The following PAIP1 variants were observed in gnomAD, a reference collection of about 807,000 sequenced individuals.
PAIP1 encodes poly(A) binding protein interacting protein 1.
In PAIP1, 16 loss-of-function variants were observed where a neutral mutation model predicts 61.3. The ratio of observed to expected loss-of-function variants is 0.26; its 90% CI spans 0.18 to 0.40. The LOEUF (loss-of-function observed/expected upper bound fraction) is 0.40, where lower values mean the gene tolerates loss of function less well. Among genes scored for constraint, PAIP1 ranks in the 10% least tolerant of loss-of-function variants. The pLI is 1.00. For synonymous variants in PAIP1, 187 were observed against 226.2 expected (o/e 0.83, Z 1.56); for missense variants, 416 against 600.9 (o/e 0.69, Z 3.22).
At chr5:43,528,908 A>G (rs1233444121) in intron 10 of PAIP1, among the ~76,000 whole-genome samples, 1 of 152,318 alleles carries the variant, frequency 6.6e-6, no homozygotes, top group South Asian at 2.1e-4. Flanking sequence ...CTCTGATGGT[A>G]AGTGAGTAAT....
intron 4 of PAIP1, among the ~76,000 whole-genome samples, chr5:43,539,409 T>A (rs1388922780): frequency 5.3e-5 from 8 of 152,044 alleles, no homozygotes; most frequent in African/African-American, 1.9e-4. Context: ...ATTGTCTCTG[T>A]AATTTTTTTT....
intron 1 of PAIP1, chr5:43,556,229 C>T: frequency 7.8e-7 from 1 of 1,289,936 alleles, no homozygotes; most frequent in Non-Finnish European, 9.8e-7. Flanking sequence ...TGCTTGCGAG[C>T]TTTTTTCCTC....
chr5:43,540,863 C>T (rs1025981995), intron 4 of PAIP1, among the ~76,000 whole-genome samples: 1 of 152,014 alleles, frequency 6.6e-6, no homozygotes, highest in Non-Finnish European at 1.5e-5. Flanking sequence ...TCTAATTACA[C>T]CAGAATTTCA....
At chr5:43,556,058 C>A in intron 1 of PAIP1, 59 bp from the exon 2 acceptor site, 1 of 1,548,758 alleles carries the variant, frequency 6.5e-7, no homozygotes, top group South Asian at 1.2e-5. Flanking sequence ...CAGCAACTTG[C>A]TATATACTGA....
At chr5:43,538,076 CCTA>C (rs1435462829) in intron 5 of PAIP1, among the ~76,000 whole-genome samples, 1 of 151,404 alleles carries the variant, frequency 6.6e-6, no homozygotes, top group African/African-American at 2.4e-5. Flanking sequence ...ACTTCTATTG[CCTA>C]CTAACAAGCA....
rs1005684993 is a variant in PAIP1, at chr5:43,534,996, A to G, written c.1080-26T>C. ...CTGTAGACAAAGTTGAAAATGAGTTAGTGTATCCACCATAAGGGCTGTCAG... is the reference window on the plus strand; with the variant it reads ...CTGTAGACAAAGTTGAAAATGAGTTGGTGTATCCACCATAAGGGCTGTCAG... On this transcript the variant is annotated intron_variant, in intron 7 of 10. Coordinates refer to ENST00000306846, the MANE Select transcript of PAIP1 (RefSeq NM_006451.5). 7 of 1,267,062 alleles carry G rather than the reference A, an allele frequency of 5.5e-6. No homozygotes were observed. In the Middle Eastern group the frequency reaches 5.6e-4, roughly 101 times the overall value. 78.5% of individuals were successfully genotyped at this position (1,267,062 alleles called of 1,614,324 possible).
intron 10 of PAIP1, among the ~76,000 whole-genome samples, chr5:43,527,892 TTAA>T (rs767950209): frequency 4.6e-5 from 7 of 152,226 alleles, no homozygotes; most frequent in Non-Finnish European, 8.8e-5. Context: ...TTGTGTCTAC[TTAA>T]TAACAGAAAG....
rs766493987 is a variant in PAIP1 at position 43,547,042 on chromosome 5, CAAAAAAAAAAAAAAAA to C, written c.621+670_621+685del. 0.025 allele frequency among the ~76,000 whole-genome samples: 879 copies of C among 35,706 alleles called. 58 individuals are homozygous for C. The Admixed American group carries it at 0.26, about 10-fold the overall frequency. The allele number at this position is 35,706 out of a possible 152,430, so 23.4% of individuals were successfully genotyped here. ...TGGGAGACAGGGCAAGACTCCATAT[CAAAAAAAAAAAAAAAA>C]AAAAAAAAAAAGCGTTAATATGTTA... On this transcript the variant is annotated intron_variant, in intron 3 of 10. Coordinates refer to ENST00000306846, the MANE Select transcript of PAIP1 (RefSeq NM_006451.5).
chr5:43,533,118 G>C (rs762947168), intron 9 of PAIP1, among the ~76,000 whole-genome samples: 1 of 152,148 alleles, frequency 6.6e-6, no homozygotes, highest in East Asian at 1.9e-4. Flanking sequence ...TAGAGACACA[G>C]GACAGTCAAT....
intron 2 of PAIP1, among the ~76,000 whole-genome samples, chr5:43,553,772 CA>C (rs1331011641): frequency 6.6e-6 from 1 of 152,062 alleles, no homozygotes; most frequent in Non-Finnish European, 1.5e-5. Flanking sequence ...AGGTAGATTA[CA>C]AATGAATGAA....
chr5:43,554,892 C>A (rs138096277), intron 2 of PAIP1, among the ~76,000 whole-genome samples: 4 of 152,250 alleles, frequency 2.6e-5, no homozygotes, highest in African/African-American at 4.8e-5. Flanking sequence ...TCATAATAAC[C>A]CAAGAGTGAA....
chr5:43,556,758 C>T lies in PAIP1; in HGVS notation c.89G>A (p.Gly30Asp). 1 of 1,418,286 alleles carries T rather than the reference C, an allele frequency of 7.1e-7. No homozygotes were observed. The highest frequency in any genetic ancestry group is 9.2e-7 in the Non-Finnish European group (1 of 1,089,886). 87.9% of individuals were successfully genotyped at this position (1,418,286 alleles called of 1,614,324 possible). A position where few individuals can be genotyped will look rare whatever the true frequency, so the allele number is the denominator to read the frequency against. ...AGCAGGCCCCGCTCCGTTCGGGAAA[C>T]CGCCGCCCTCAGGCCCGCCCCCTCC... ...GRGGGGPEGG[G>D]FPNGAGPAER... Residue 30 changes from glycine (G) to aspartate (D), a missense_variant, in exon 1 of 11, where the codon GGT becomes GAT. By Grantham distance (94) the Gly-to-Asp change is moderately conservative. Transcript: ENST00000306846.
At chr5:43,537,715 G>T (rs1474920762) in intron 5 of PAIP1, among the ~76,000 whole-genome samples, 2 of 152,054 alleles carry the variant, frequency 1.3e-5, no homozygotes, top group Non-Finnish European at 2.9e-5. Flanking sequence ...TCAAGCAGAG[G>T]CTGGGCATGG....
intron 4 of PAIP1, among the ~76,000 whole-genome samples, chr5:43,540,183 C>A (rs1180270099): frequency 6.6e-6 from 1 of 152,192 alleles, no homozygotes; most frequent in Non-Finnish European, 1.5e-5. Context: ...TGAGCAACAT[C>A]TTCTGTTTAA....
At chr5:43,529,673 C>T (rs966125195) in intron 10 of PAIP1, 113 bp downstream of exon 10, 10 of 714,752 alleles carry the variant, frequency 1.4e-5, no homozygotes, top group South Asian at 4.7e-5. Flanking sequence ...ATTACAGGCA[C>T]GAGCCACTGC....
intron 3 of PAIP1, among the ~76,000 whole-genome samples, chr5:43,544,097 C>T (rs944296826): frequency 7.0e-6 from 1 of 142,532 alleles, no homozygotes; most frequent in Non-Finnish European, 1.5e-5. Context: ...GAGCTGTGGT[C>T]ACGCCACTGC....
intron 2 of PAIP1, 72 bp downstream of exon 2, chr5:43,555,758 C>T: frequency 1.5e-6 from 2 of 1,329,396 alleles, no homozygotes; most frequent in Non-Finnish European, 2.1e-6. Flanking sequence ...CAAACATACT[C>T]TGATTAACAA....
At chr5:43,550,385 G>C (rs868821260) in intron 2 of PAIP1, among the ~76,000 whole-genome samples, 1 of 112,860 alleles carries the variant, frequency 8.9e-6, no homozygotes, top group African/African-American at 3.8e-5. Flanking sequence ...ATTTCTAGGA[G>C]AATACTGAGT....
Position 43,538,213 on chromosome 5 carries a change from G to A in PAIP1, c.846+711C>T, listed in dbSNP as rs1219363432. 2.0e-5 allele frequency among the ~76,000 whole-genome samples: 3 copies of A among 152,010 alleles called. No individual in the cohort carries two copies. In the East Asian group the frequency reaches 5.8e-4, roughly 29 times the overall value. On this transcript the variant is annotated intron_variant, in intron 5 of 10. Transcript: ENST00000306846. ...AAAAGAACTATTCTTAGGGGTTGGG[G>A]TATTGGGGAGATGTTGGTCAAAGGA...
Sources: gnomAD v4.1 joint callset for allele counts (sites outside exome capture counted in the v4.1 genomes callset) on GRCh38, gnomAD v4.1.1 for gene constraint, MANE v1.5 for transcripts, NCBI Gene and HGNC (gene_info 2026-07-23, HGNC 2026-07-21) for gene names.